The following PIAS1 variants were observed in gnomAD, a reference collection of about 807,000 sequenced individuals.
PIAS1 encodes E3 SUMO-protein ligase PIAS1.
Under a neutral mutation model 71.3 loss-of-function variants are expected in PIAS1, and 6 were observed. The observed-to-expected ratio is 0.08, with a 90% CI of 0.05 to 0.17. The LOEUF is 0.17. Among genes scored for constraint, PIAS1 ranks in the 10% least tolerant of loss-of-function variants. The pLI, the probability that PIAS1 is intolerant of heterozygous loss-of-function variation, is 1.00. For synonymous variants in PIAS1, 303 were observed against 292.9 expected (o/e 1.03, Z -0.35); for missense variants, 555 against 793.6 (o/e 0.70, Z 3.61).
At chr15:68,055,848 C>T (rs1352900539) in intron 1 of PIAS1, 1 of 693,942 alleles carries the variant, frequency 1.4e-6, no homozygotes, top group Non-Finnish European at 2.6e-6. Context: ...TGTGGAATAT[C>T]CTCACCGAAA....
At chr15:68,130,194 GA>G (rs1189838004) in intron 2 of PIAS1, among the ~76,000 whole-genome samples, 2 of 151,614 alleles carry the variant, frequency 1.3e-5, no homozygotes, top group Admixed American at 6.6e-5. Flanking sequence ...TTAAAAATAG[GA>G]AAAAAGGTGG....
At chr15:68,098,092 G>T (rs1164335912) in intron 2 of PIAS1, among the ~76,000 whole-genome samples, 4 of 152,138 alleles carry the variant, frequency 2.6e-5, no homozygotes, top group Non-Finnish European at 5.9e-5. Flanking sequence ...TTATTGTATA[G>T]TTGACCCTTG....
intron 2 of PIAS1, among the ~76,000 whole-genome samples, chr15:68,118,801 A>G (rs569214029): frequency 6.6e-6 from 1 of 152,292 alleles, no homozygotes; most frequent in African/African-American, 2.4e-5. Context: ...TCTAAATTCA[A>G]AGTGAATTAG....
chr15:68,076,830 T>C (rs1006210391), intron 1 of PIAS1, among the ~76,000 whole-genome samples: 12 of 152,196 alleles, frequency 7.9e-5, no homozygotes, highest in Non-Finnish European at 1.3e-4. Flanking sequence ...TATACTTGCA[T>C]AGGGGATATG....
chr15:68,182,480 G>A (rs1338773368), intron 12 of PIAS1, among the ~76,000 whole-genome samples: 1 of 42,886 alleles, frequency 2.3e-5, no homozygotes, highest in Non-Finnish European at 5.0e-5. Flanking sequence ...TGCTCTTATT[G>A]CTCAGGCTGC....
chr15:68,106,351 C>A (rs1185703436), intron 2 of PIAS1, among the ~76,000 whole-genome samples: 184 of 92,776 alleles, frequency 2.0e-3, no homozygotes, highest in African/African-American at 2.9e-3. Flanking sequence ...ATGACCTTTG[C>A]AAAAAAAAAA....
Position 68,086,432 on chromosome 15 carries a change from C to T in PIAS1, c.151C>T (p.Pro51Ser). The T allele has an allele frequency of 1.2e-6, 2 of 1,613,892 alleles. No individual in the cohort carries two copies. The highest frequency in any genetic ancestry group is 2.7e-5 in the African/African-American group (2 of 75,028). ...GCATTTGCTAAAGGCTGGCTGTAGT[C>T]CTGCTGTGCAAATGAAAATTAAGGA... is the stretch of plus-strand genomic sequence containing the variant. ...ALHLLKAGCS[P>S]AVQMKIKELY... The change falls in exon 2 of 14, where the codon CCT becomes TCT. Residue 51 changes from proline to serine, a missense_variant. Pro to Ser is a moderately conservative substitution (Grantham distance 74). Transcript: ENST00000249636. This position sits in a 1 kb window ranked among gnomAD's most constrained non-coding sequence, Gnocchi z 7.2.
intron 1 of PIAS1, among the ~76,000 whole-genome samples, chr15:68,059,709 C>CAAAAAAAAAA (rs770069635): frequency 1.3e-5 from 1 of 76,470 alleles, no homozygotes; most frequent in Non-Finnish European, 2.6e-5. Flanking sequence ...CCGTCTCAAA[C>CAAAAAAAAAA]AAAAAAAAAA....
At position 68,164,073 on chromosome 15, in the gene PIAS1, A is replaced by G. The variant is rs1333103271; in HGVS notation, c.935-658A>G. Among the ~76,000 whole-genome samples, 5 of 152,250 alleles carry G rather than the reference A, an allele frequency of 3.3e-5. No individual in the cohort carries two copies. The East Asian group carries it at 7.7e-4, about 23-fold the overall frequency. On this transcript the variant is annotated intron_variant, in intron 7 of 13. Transcript: ENST00000249636. ...TCCCTTAAGAACCATAAGAAGTTTG[A>G]AGTGAAAAGACTTAAAGATTATCTA...
In PIAS1 at chr15:68,185,667, A is replaced by G. The variant is rs1048401291; in HGVS notation, c.1663-1875A>G. ...CCTCAACAAGCTCCTTAAAAAATTT[A>G]AAAACATGGGCCCTGGCTGGGCGCT... is the stretch of plus-strand genomic sequence containing the variant. On this transcript the variant is annotated intron_variant, in intron 13 of 13. Transcript: ENST00000249636. The surrounding 1 kb of genome is among the most constrained non-coding windows in gnomAD (Gnocchi z 4.4). 6.6e-6 allele frequency among the ~76,000 whole-genome samples: 1 copy of G among 152,208 alleles called. No individual in the cohort carries two copies. The highest frequency in any genetic ancestry group is 1.5e-5 in the Non-Finnish European group (1 of 68,032).
At chr15:68,130,100 C>CA (rs1471920191) in intron 2 of PIAS1, among the ~76,000 whole-genome samples, 2 of 151,974 alleles carry the variant, frequency 1.3e-5, no homozygotes, top group African/African-American at 2.4e-5. Flanking sequence ...GTTTATTACG[C>CA]ATTGCATGCC....
chr15:68,151,517 T>C (rs1272849646), intron 6 of PIAS1, among the ~76,000 whole-genome samples: 1 of 151,964 alleles, frequency 6.6e-6, no homozygotes, highest in African/African-American at 2.4e-5. Flanking sequence ...GAATAAGATT[T>C]TTTTCTAAAA....
intron 2 of PIAS1, among the ~76,000 whole-genome samples, chr15:68,101,418 A>T (rs534694615): frequency 1.4e-5 from 2 of 145,524 alleles, no homozygotes; most frequent in Admixed American, 6.9e-5. Flanking sequence ...TGGTTTGCAG[A>T]TCTTTTCTCC....
At chr15:68,145,285 G>A (rs2092800562) in intron 4 of PIAS1, among the ~76,000 whole-genome samples, 2 of 152,116 alleles carry the variant, frequency 1.3e-5, no homozygotes, top group Middle Eastern at 3.4e-3. Context: ...CTGATCCTGG[G>A]GATGGACTTA....
At chr15:68,089,187 A>G (rs77020783) in intron 2 of PIAS1, among the ~76,000 whole-genome samples, 3,218 of 152,318 alleles carry the variant, frequency 0.021, 114 homozygotes, top group African/African-American at 0.073. Context: ...TAGTTCTGAT[A>G]ATTCCCATTT....
rs1435757192 is a variant in PIAS1 at position 68,193,741 on chromosome 15, C to T, written c.*5906C>T. 1.4e-5 allele frequency: 5 copies of T among 357,914 alleles called. No individual in the cohort carries two copies. The highest frequency in any genetic ancestry group is 2.6e-5 in the Non-Finnish European group (5 of 194,220). 22.2% of individuals were successfully genotyped at this position (357,914 alleles called of 1,614,324 possible). A position where few individuals can be genotyped will look rare whatever the true frequency, so the allele number is the denominator to read the frequency against. ...GGAAGCAGCAGAGCCAGGACTGGAACCCAGGCCAGACTCCAAACCGCAGGC... is the reference window on the plus strand; with the variant it reads ...GGAAGCAGCAGAGCCAGGACTGGAATCCAGGCCAGACTCCAAACCGCAGGC... On this transcript the variant is annotated 3_prime_UTR_variant, in exon 14 of 14. Transcript: ENST00000249636.
intron 6 of PIAS1, among the ~76,000 whole-genome samples, chr15:68,148,389 C>T (rs1164579436): frequency 6.6e-6 from 1 of 152,036 alleles, no homozygotes; most frequent in Admixed American, 6.6e-5. Flanking sequence ...AGGACTAAAC[C>T]ATTCAGGGCA....
intron 2 of PIAS1, among the ~76,000 whole-genome samples, chr15:68,089,166 A>G (rs1007096825): frequency 5.9e-5 from 9 of 152,234 alleles, no homozygotes; most frequent in African/African-American, 1.7e-4. Flanking sequence ...TCTAACTAAA[A>G]TGGAAGACAG....
chr15:68,146,579 C>T lies in PIAS1; in HGVS notation c.707C>T (p.Pro236Leu). 1 of 1,611,046 alleles carries T rather than the reference C, an allele frequency of 6.2e-7. No individual in the cohort carries two copies. The highest frequency in any genetic ancestry group is 2.2e-5 in the East Asian group (1 of 44,830). Residue 236 changes from proline (P) to leucine (L), a missense_variant, in exon 6 of 14, where the codon CCT (proline) becomes CTT (leucine). Around this residue, in one of 5 missense-constraint regions of PIAS1, gnomAD observed 134 missense variants for 203.4 expected, o/e 0.66. Transcript: ENST00000249636. ...TTTCATTTTTAGGGTTACCTTCCACCTACAAAAAATGGCGTGGAACCAAAG... is the reference window on the plus strand; with the variant it reads ...TTTCATTTTTAGGGTTACCTTCCACTTACAAAAAATGGCGTGGAACCAAAG... ...KPCSLPGYLP[P>L]TKNGVEPKRP... is the part of the protein sequence containing the mutation.
Sources: gnomAD v4.1 joint callset for allele counts (sites outside exome capture counted in the v4.1 genomes callset) on GRCh38, gnomAD v4.1.1 for gene constraint, gnomAD v4.1.1 regional missense constraint, Gnocchi (gnomAD v3.1) non-coding constraint, MANE v1.5 for transcripts, NCBI Gene and HGNC (gene_info 2026-07-23, HGNC 2026-07-21) for gene names.